The following SDC3 variants were observed in gnomAD, a reference collection of about 807,000 sequenced individuals.
SDC3 encodes syndecan 3.
A neutral mutation model predicts 24.4 loss-of-function variants in SDC3; 13 were observed. The ratio of observed to expected loss-of-function variants is 0.53; its 90% CI spans 0.35 to 0.85. The LOEUF is 0.85. Ranked by LOEUF, SDC3 falls within the 40% of genes least tolerant of loss-of-function variation. The pLI, the probability that SDC3 is intolerant of heterozygous loss-of-function variation, is 0.01. For synonymous variants in SDC3, 295 were observed against 260.9 expected, an observed-to-expected ratio of 1.13 and a Z score of -1.26; for missense variants, 571 against 584.5, an observed-to-expected ratio of 0.98 and a Z score of 0.24.
intron 1 of SDC3, among the ~76,000 whole-genome samples, chr1:30,883,451 C>T (rs1296016862): frequency 6.6e-6 from 1 of 152,218 alleles, no homozygotes; most frequent in African/African-American, 2.4e-5. Context: ...TAGGTTCTGA[C>T]AGTCTTGGAT....
intron 1 of SDC3, 51 bp from the exon 2 acceptor site, chr1:30,878,791 T>C: frequency 6.6e-7 from 1 of 1,517,816 alleles, no homozygotes; most frequent in Non-Finnish European, 9.2e-7. Flanking sequence ...ACTGGCAGCC[T>C]GGGTGAGCCC....
chr1:30,874,918 C>T (rs1039586705), intron 3 of SDC3, among the ~76,000 whole-genome samples: 5 of 152,248 alleles, frequency 3.3e-5, no homozygotes, highest in African/African-American at 1.2e-4. Context: ...CTCATGTCCC[C>T]TCCAGCTGCC....
intron 1 of SDC3, among the ~76,000 whole-genome samples, chr1:30,897,341 G>A (rs183381428): frequency 9.8e-5 from 15 of 152,302 alleles, no homozygotes; most frequent in Admixed American, 3.3e-4. Flanking sequence ...TACTCATGAT[G>A]ACTCGAGATC....
rs953467761 is a variant in SDC3 at position 30,869,761 on chromosome 1, C to T, written c.*3450G>A. On this transcript the variant is annotated 3_prime_UTR_variant, in exon 5 of 5. Transcript: ENST00000339394. The stretch of plus-strand genomic sequence containing the variant: ...AGGGAAGGCCTGGGGGAGGGAATGG[C>T]AGACCCCCACCCACCCCAGGCAGGT... 3.8e-5 allele frequency: 15 copies of T among 398,576 alleles called. No homozygotes were observed. The highest frequency in any genetic ancestry group is 6.6e-5 in the Non-Finnish European group (15 of 226,232). 24.7% of individuals were successfully genotyped at this position (398,576 alleles called of 1,614,324 possible).
At chr1:30,885,119 G>T (rs1639809764) in intron 1 of SDC3, among the ~76,000 whole-genome samples, 1 of 152,174 alleles carries the variant, frequency 6.6e-6, no homozygotes. Context: ...GTGACTTTGG[G>T]CAGATATTTA....
At chr1:30,905,929 T>A (rs1638510147) in intron 1 of SDC3, among the ~76,000 whole-genome samples, 1 of 147,976 alleles carries the variant, frequency 6.8e-6, no homozygotes, top group Non-Finnish European at 1.5e-5. Flanking sequence ...AGGCCTGCTC[T>A]CCCTGCTATC....
In SDC3 at chr1:30,877,016, G is replaced by A; in HGVS notation, c.406C>T (p.Leu136=). The change falls in exon 3 of 5, where the codon CTG becomes TTG. Residue 136 remains leucine, a synonymous_variant. Coordinates refer to ENST00000339394, the MANE Select transcript of SDC3 (RefSeq NM_014654.4). ...FEELPSERPT[L]EPATSPLVVT... ...ACCAGGGGGCTGGTGGCTGGCTCCAGGGTGGGGCGCTCAGAGGGGAGCTCT... is the reference window on the plus strand; with the variant it reads ...ACCAGGGGGCTGGTGGCTGGCTCCAAGGTGGGGCGCTCAGAGGGGAGCTCT... The A allele has an allele frequency of 6.2e-7, 1 of 1,613,822 alleles. No individual in the cohort carries two copies. Among genetic ancestry groups the A allele is most frequent in the Non-Finnish European group, 8.5e-7 (1 of 1,179,966 alleles).
chr1:30,891,777 C>T (rs371761612), intron 1 of SDC3, among the ~76,000 whole-genome samples: 16 of 150,652 alleles, frequency 1.1e-4, no homozygotes, highest in East Asian at 2.0e-4. Context: ...GGCTTGAACC[C>T]GGGAGGTGGA....
In SDC3 at chr1:30,869,536, CAAAAAAAAAAAA is replaced by C. The variant is rs11338317; in HGVS notation, c.*3663_*3674del. 5 of 348,286 alleles carry C rather than the reference CAAAAAAAAAAAA, an allele frequency of 1.4e-5. No individual in the cohort carries two copies. The highest frequency in any genetic ancestry group is 5.5e-5 in the Admixed American group (1 of 18,284). The allele number at this position is 348,286 out of a possible 1,614,324, so 21.6% of individuals were successfully genotyped here. On this transcript the variant is annotated 3_prime_UTR_variant, in exon 5 of 5. Transcript: ENST00000339394. Reference sequence around the variant, plus strand: ...AGGAAGTGTTAAAAAAACAAACAAACAAAAAAAAAAAAAAAAAAAAAAAAACAAAAACAAAAC... The same window carrying C: ...AGGAAGTGTTAAAAAAACAAACAAACAAAAAAAAAAAAACAAAAACAAAAC...
intron 1 of SDC3, among the ~76,000 whole-genome samples, chr1:30,889,706 G>T (rs539844787): frequency 6.6e-6 from 1 of 152,190 alleles, no homozygotes; most frequent in African/African-American, 2.4e-5. Flanking sequence ...AATCACAAGC[G>T]TTGGCGAGGA....
At chr1:30,903,990 C>T (rs1328992436) in intron 1 of SDC3, among the ~76,000 whole-genome samples, 1 of 152,006 alleles carries the variant, frequency 6.6e-6, no homozygotes, top group South Asian at 2.1e-4. Context: ...TTGCGGGGGC[C>T]GAGGTGGGAA....
In SDC3 at chr1:30,870,857, T is replaced by G. The variant is rs1271697544; in HGVS notation, c.*2354A>C. 2 of 152,692 alleles carry G rather than the reference T, an allele frequency of 1.3e-5. No individual in the cohort carries two copies. Among genetic ancestry groups the G allele is most frequent in the African/African-American group, 4.8e-5 (2 of 41,476 alleles). 9.5% of individuals were successfully genotyped at this position (152,692 alleles called of 1,614,324 possible). ...CTTCTGGGGCTGGGGGCCCAAGCCC[T>G]TTTCTCCTCTATCCTCCCTGGTTTC... On this transcript the variant is annotated 3_prime_UTR_variant, in exon 5 of 5. Coordinates refer to ENST00000339394, the MANE Select transcript of SDC3 (RefSeq NM_014654.4).
intron 1 of SDC3, among the ~76,000 whole-genome samples, chr1:30,886,262 T>C (rs913225654): frequency 2.0e-5 from 3 of 152,100 alleles, no homozygotes; most frequent in African/African-American, 7.2e-5. Flanking sequence ...AAACCAATGG[T>C]TATTAAGCTC....
At chr1:30,902,739 G>A (rs897165014) in intron 1 of SDC3, among the ~76,000 whole-genome samples, 1 of 152,204 alleles carries the variant, frequency 6.6e-6, no homozygotes, top group African/African-American at 2.4e-5. Context: ...CCCAGATGTG[G>A]TGGTGGCAGT....
chr1:30,876,676 A>G lies in SDC3; in HGVS notation c.746T>C (p.Val249Ala). 1 of 1,602,578 alleles carries G rather than the reference A, an allele frequency of 6.2e-7. No individual in the cohort carries two copies. Among genetic ancestry groups the G allele is most frequent in the Non-Finnish European group, 8.5e-7 (1 of 1,174,328 alleles). The change falls in exon 3 of 5, where the codon GTC becomes GCC. Residue 249 changes from valine (V) to alanine (A), a missense_variant. Physicochemically the swap from Val to Ala is moderately conservative, Grantham distance 64. Around this residue, in one of 2 missense-constraint regions of SDC3, gnomAD observed 497 missense variants for 471.6 expected, o/e 1.05. Transcript: ENST00000339394. ...LDTEAPTPRL[V>A]STATSRPRAL... ...TCTTGGCCGGGAGGTAGCTGTGCTG[A>G]CCAGCCTGGGTGTTGGGGCCTCGGT...
intron 1 of SDC3, among the ~76,000 whole-genome samples, chr1:30,900,625 T>C (rs1268142150): frequency 1.3e-5 from 2 of 152,188 alleles, no homozygotes; most frequent in East Asian, 1.9e-4. Context: ...ACTCAGGCCC[T>C]GCATCCCCCA....
chr1:30,876,600 G>T lies in SDC3; in HGVS notation c.822C>A (p.Ser274Arg), dbSNP rs1402630838. Residue 274 changes from serine to arginine, a missense_variant, in exon 3 of 5, where the codon AGC becomes AGA. Around this residue, in one of 2 missense-constraint regions of SDC3, gnomAD observed 497 missense variants for 471.6 expected, o/e 1.05. Transcript: ENST00000339394. ...GGGCAGTGGTCCCCAGGGGCAGGGTGCTCCTCTCAGGGATGTCAGGCTCCT... is the reference window on the plus strand; with the variant it reads ...GGGCAGTGGTCCCCAGGGGCAGGGTTCTCCTCTCAGGGATGTCAGGCTCCT... ...TTQEPDIPER[S>R]TLPLGTTAPG... The T allele has an allele frequency of 1.3e-6, 2 of 1,543,816 alleles. No individual in the cohort carries two copies. Among genetic ancestry groups the T allele is most frequent in the Non-Finnish European group, 1.7e-6 (2 of 1,145,680 alleles).
At chr1:30,889,876 A>T (rs1488029871) in intron 1 of SDC3, among the ~76,000 whole-genome samples, 1 of 152,238 alleles carries the variant, frequency 6.6e-6, no homozygotes, top group African/African-American at 2.4e-5. Flanking sequence ...ATGAAAATAT[A>T]TATGTCCACA....
At chr1:30,890,660 GT>G (rs1399645234) in intron 1 of SDC3, among the ~76,000 whole-genome samples, 1 of 152,184 alleles carries the variant, frequency 6.6e-6, no homozygotes, top group Non-Finnish European at 1.5e-5. Flanking sequence ...CAATAAAGCT[GT>G]TGTTTCAAAA....
Sources: gnomAD v4.1 joint callset for allele counts (sites outside exome capture counted in the v4.1 genomes callset) on GRCh38, gnomAD v4.1.1 for gene constraint, gnomAD v4.1.1 regional missense constraint, MANE v1.5 for transcripts, NCBI Gene and HGNC (gene_info 2026-07-23, HGNC 2026-07-21) for gene names.